NTNG2: variants seen among roughly 807,000 people sequenced by gnomAD.
The protein encoded by NTNG2 is netrin-G2.
A neutral mutation model predicts 47.6 loss-of-function variants in NTNG2; 15 were observed. The ratio of observed to expected loss-of-function variants is 0.32; its 90% CI spans 0.21 to 0.49. The LOEUF is 0.49. Ranked by LOEUF, NTNG2 falls within the 20% of genes least tolerant of loss-of-function variation. The pLI is 0.99. For synonymous variants in NTNG2, 307 were observed against 324.6 expected, an observed-to-expected ratio of 0.95 and a Z score of 0.58; for missense variants, 578 against 764.6, an observed-to-expected ratio of 0.76 and a Z score of 2.88.
chr9:132,229,322 C>T lies in NTNG2; in HGVS notation c.1031-1250C>T, dbSNP rs561549512. ...CCTCAGTAAGTGGCACCGACACCCA[C>T]GGGGCCAAGTGCAAGTCTGGGGGTC... On this transcript the variant is annotated intron_variant, in intron 4 of 7. Coordinates refer to ENST00000393229, the MANE Select transcript of NTNG2 (RefSeq NM_032536.4). Among the ~76,000 whole-genome samples, 241 of 152,274 alleles carry T rather than the reference C, an allele frequency of 1.6e-3. 1 individual carries two copies. The highest frequency in any genetic ancestry group is 5.2e-3 in the African/African-American group (216 of 41,554).
At chr9:132,230,004 C>T (rs1841076049) in intron 4 of NTNG2, among the ~76,000 whole-genome samples, 2 of 152,376 alleles carry the variant, frequency 1.3e-5, no homozygotes, top group East Asian at 1.9e-4. Context: ...GTGTCCTCAG[C>T]TGTAGAATCA....
chr9:132,162,789 C>T lies in NTNG2; in HGVS notation c.-484+550C>T, dbSNP rs902684844. Among the ~76,000 whole-genome samples the T allele has an allele frequency of 6.6e-6, 1 of 151,854 alleles. No homozygotes were observed. The highest frequency in any genetic ancestry group is 2.1e-4 in the South Asian group (1 of 4,814). On this transcript the variant is annotated intron_variant, in intron 1 of 7. Coordinates refer to ENST00000393229, the MANE Select transcript of NTNG2 (RefSeq NM_032536.4). This position sits in a 1 kb window ranked among gnomAD's most constrained non-coding sequence, Gnocchi z 4.6. ...CCTGTGAGTTGCACAGAGAAACTCC[C>T]GGCCAGTCCGGCTGGAAACTTCTCC...
chr9:132,216,100 T>G (rs576830061), intron 3 of NTNG2, among the ~76,000 whole-genome samples: 9 of 152,216 alleles, frequency 5.9e-5, no homozygotes, highest in Admixed American at 3.3e-4. Context: ...GTCAGAGGTT[T>G]GAACCCGACT....
At chr9:132,172,722 A>AT (rs35406789) in intron 2 of NTNG2, among the ~76,000 whole-genome samples, 50,864 of 83,592 alleles carry the variant, frequency 0.61, 15,462 homozygotes, top group Non-Finnish European at 0.7. Flanking sequence ...TCAGGGCTGT[A>AT]TTTTTTTTTT....
At chr9:132,177,775 A>G (rs1202134056) in intron 2 of NTNG2, among the ~76,000 whole-genome samples, 1 of 152,146 alleles carries the variant, frequency 6.6e-6, no homozygotes, top group African/African-American at 2.4e-5. Flanking sequence ...CTCCTGCCTC[A>G]GCCTCCCAAG....
chr9:132,225,386 C>T (rs1324983005), intron 3 of NTNG2, among the ~76,000 whole-genome samples: 1 of 151,988 alleles, frequency 6.6e-6, no homozygotes, highest in Non-Finnish European at 1.5e-5. Flanking sequence ...TCCTCCTGCC[C>T]TAGCCTCTTG....
chr9:132,191,967 G>A lies in NTNG2; in HGVS notation c.214-5999G>A, dbSNP rs150397945. Among the ~76,000 whole-genome samples, 664 of 152,356 alleles carry A rather than the reference G, an allele frequency of 4.4e-3. 3 individuals are homozygous for A. The highest frequency in any genetic ancestry group is 0.014 in the Middle Eastern group (4 of 294). ...TTAATTTTCATGAAATATTTAAAGA[G>A]GCAGCTACTACTTCTGATACTATCA... On this transcript the variant is annotated intron_variant, in intron 2 of 7. Coordinates refer to ENST00000393229, the MANE Select transcript of NTNG2 (RefSeq NM_032536.4).
At chr9:132,194,331 G>A (rs945356666) in intron 2 of NTNG2, among the ~76,000 whole-genome samples, 5 of 152,184 alleles carry the variant, frequency 3.3e-5, no homozygotes, top group Non-Finnish European at 5.9e-5. Context: ...CACCCTTCCC[G>A]GCTGCTGGCT....
intron 3 of NTNG2, 131 bp downstream of exon 3, chr9:132,198,740 C>T: frequency 4.2e-6 from 4 of 952,640 alleles, no homozygotes; most frequent in Non-Finnish European, 6.2e-6. Context: ...TTACCTGGTT[C>T]CCTGGGCGTT....
chr9:132,181,053 T>A (rs932113157), intron 2 of NTNG2, among the ~76,000 whole-genome samples: 127 of 152,330 alleles, frequency 8.3e-4, no homozygotes, highest in African/African-American at 3.0e-3. Context: ...CAGGGTTTGG[T>A]TCCCTGTAAT....
intron 2 of NTNG2, among the ~76,000 whole-genome samples, chr9:132,174,768 A>G (rs933467310): frequency 6.6e-6 from 1 of 152,048 alleles, no homozygotes; most frequent in African/African-American, 2.4e-5. Context: ...CTAAAAATAC[A>G]AAAATTAGCC....
chr9:132,226,180 A>G lies in NTNG2; in HGVS notation c.858-669A>G, dbSNP rs554734963. ...CCCTCATCAACTTTCGGTTACCCCG[A>G]GGTACAGTTTATATAGGACAGGCAG... On this transcript the variant is annotated intron_variant, in intron 3 of 7. Coordinates refer to ENST00000393229, the MANE Select transcript of NTNG2 (RefSeq NM_032536.4). The surrounding 1 kb of genome is among the most constrained non-coding windows in gnomAD (Gnocchi z 4.8). Among the ~76,000 whole-genome samples, 1 of 152,216 alleles carries G rather than the reference A, an allele frequency of 6.6e-6. No individual in the cohort carries two copies. The highest frequency in any genetic ancestry group is 1.5e-5 in the Non-Finnish European group (1 of 68,032).
intron 3 of NTNG2, among the ~76,000 whole-genome samples, chr9:132,222,300 C>T (rs1326204032): frequency 6.6e-6 from 1 of 152,168 alleles, no homozygotes; most frequent in Non-Finnish European, 1.5e-5. Flanking sequence ...CTGGCATCTC[C>T]AGAAAGAAGG....
chr9:132,192,797 G>C (rs1345014541), intron 2 of NTNG2, among the ~76,000 whole-genome samples: 6 of 152,152 alleles, frequency 3.9e-5, no homozygotes, highest in African/African-American at 1.4e-4. Flanking sequence ...AAGAGGGAGA[G>C]AGAAAATTGT....
intron 2 of NTNG2, among the ~76,000 whole-genome samples, chr9:132,174,177 G>A (rs1030726006): frequency 2.9e-4 from 44 of 149,250 alleles, no homozygotes; most frequent in Admixed American, 2.5e-3. Flanking sequence ...CGGACGGACA[G>A]GCAGGTCGAA....
chr9:132,197,670 C>T lies in NTNG2; in HGVS notation c.214-296C>T, dbSNP rs976526083. 8.5e-5 allele frequency among the ~76,000 whole-genome samples: 13 copies of T among 152,070 alleles called. No homozygotes were observed. The highest frequency in any genetic ancestry group is 3.9e-4 in the East Asian group (2 of 5,180). On this transcript the variant is annotated intron_variant, in intron 2 of 7. Transcript: ENST00000393229. The surrounding 1 kb of genome is among the most constrained non-coding windows in gnomAD (Gnocchi z 4.3). Reference sequence around the variant, plus strand: ...AGTCAGGACTCTGTATTCCAGGCAACGGGGAGCCATGGAGGGCTTCAAAGC... The same window carrying T: ...AGTCAGGACTCTGTATTCCAGGCAATGGGGAGCCATGGAGGGCTTCAAAGC...
At position 132,221,928 on chromosome 9, in the gene NTNG2, C is replaced by T. The variant is rs756859665; in HGVS notation, c.858-4921C>T. On this transcript the variant is annotated intron_variant, in intron 3 of 7. Transcript: ENST00000393229. This position sits in a 1 kb window ranked among gnomAD's most constrained non-coding sequence, Gnocchi z 4.2. ...CAAAGTTGATGGCAATCTTTTCTTTCGGTAGCTGATATCTAAAAATATCCC... is the reference window on the plus strand; with the variant it reads ...CAAAGTTGATGGCAATCTTTTCTTTTGGTAGCTGATATCTAAAAATATCCC... Among the ~76,000 whole-genome samples the T allele has an allele frequency of 1.3e-5, 2 of 152,352 alleles. No individual in the cohort carries two copies. Among genetic ancestry groups the T allele is most frequent in the Non-Finnish European group, 2.9e-5 (2 of 68,032 alleles).
Position 132,162,406 on chromosome 9 carries a change from G to T in NTNG2, c.-484+167G>T, listed in dbSNP as rs1835100459. On this transcript the variant is annotated intron_variant, in intron 1 of 7. Transcript: ENST00000393229. This position sits in a 1 kb window ranked among gnomAD's most constrained non-coding sequence, Gnocchi z 4.6. The stretch of plus-strand genomic sequence containing the variant: ...TCGGATGCAAAAGTTGTTTGGTGGC[G>T]GCTGCTACGAGCTGAGAACTGGAGT... Among the ~76,000 whole-genome samples the T allele has an allele frequency of 6.6e-6, 1 of 152,120 alleles. No homozygotes were observed. Among genetic ancestry groups the T allele is most frequent in the Non-Finnish European group, 1.5e-5 (1 of 68,004 alleles).
chr9:132,178,995 C>G, intron 2 of NTNG2, among the ~76,000 whole-genome samples: 1 of 135,900 alleles, frequency 7.4e-6, no homozygotes, highest in African/African-American at 2.9e-5. Flanking sequence ...ACTGATGAGG[C>G]ACATCCCCCC....
Sources: allele counts gnomAD v4.1 joint callset (sites outside exome capture counted in the v4.1 genomes callset), GRCh38; gene constraint gnomAD v4.1.1; non-coding constraint Gnocchi (gnomAD v3.1); transcripts MANE v1.5; gene names NCBI Gene and HGNC (gene_info 2026-07-23, HGNC 2026-07-21).